The following FGF14 variants were observed in gnomAD, a reference collection of about 807,000 sequenced individuals.
FGF14 encodes the protein fibroblast growth factor 14.
Under a neutral mutation model 25.5 loss-of-function variants are expected in FGF14, and 5 were observed. The ratio of observed to expected loss-of-function variants is 0.20; its 90% CI spans 0.10 to 0.41. FGF14 has a LOEUF of 0.41. Among genes scored for constraint, FGF14 ranks in the 10% least tolerant of loss-of-function variants. The probability of loss-of-function intolerance (pLI) is 1.00; values close to 1 mark genes in which losing one functional copy is unlikely to be tolerated. For missense variants in FGF14, 222 were observed against 320.1 expected (o/e 0.69, Z 2.34); for synonymous variants, 138 against 118.3 (o/e 1.17, Z -1.08).
At chr13:102,126,353 G>A (rs2045948783) in intron 1 of FGF14, among the ~76,000 whole-genome samples, 1 of 152,156 alleles carries the variant, frequency 6.6e-6, no homozygotes, top group South Asian at 2.1e-4. Context: ...ATTTCACTGA[G>A]CATAATGTTT....
chr13:101,809,065 G>A (rs1306851674), intron 3 of FGF14, among the ~76,000 whole-genome samples: 14 of 151,918 alleles, frequency 9.2e-5, no homozygotes, highest in Non-Finnish European at 2.1e-4. Context: ...TGATAAATTG[G>A]GGAATTGATC....
At chr13:101,953,199 C>T (rs1360270882) in intron 1 of FGF14, among the ~76,000 whole-genome samples, 1 of 152,172 alleles carries the variant, frequency 6.6e-6, no homozygotes, top group East Asian at 1.9e-4. Flanking sequence ...CCTACCTTCA[C>T]CTGTTCTGTT....
chr13:102,163,746 G>C (rs546488), intron 1 of FGF14, among the ~76,000 whole-genome samples: 30,871 of 151,794 alleles, frequency 0.2, 5,616 homozygotes, highest in East Asian at 0.7. Flanking sequence ...GATTCGCAGG[G>C]ACCATGTTTA....
chr13:102,187,162 A>C (rs541255), intron 1 of FGF14, among the ~76,000 whole-genome samples: 4,879 of 152,276 alleles, frequency 0.032, 251 homozygotes, highest in African/African-American at 0.11. Context: ...GCCTCCGTCT[A>C]ATCAGATTAT....
intron 1 of FGF14, among the ~76,000 whole-genome samples, chr13:102,206,627 G>A (rs1236509564): frequency 6.6e-6 from 1 of 152,116 alleles, no homozygotes; most frequent in Non-Finnish European, 1.5e-5. Flanking sequence ...GTTACAGTGA[G>A]CCCAGATGGC....
chr13:101,738,568 G>A (rs2036329476), intron 3 of FGF14, among the ~76,000 whole-genome samples: 1 of 152,028 alleles, frequency 6.6e-6, no homozygotes, highest in South Asian at 2.1e-4. Flanking sequence ...GAAGAGGGAG[G>A]CCAGGAAAGC....
rs569437200 is a variant in FGF14 at position 101,983,189 on chromosome 13, A to C, written c.209-107893T>G. On this transcript the variant is annotated intron_variant, in intron 1 of 4. Transcript: ENST00000376131. Reference sequence around the variant, plus strand: ...TGTGCAGCTGCTTATTACCCAGATCATTTGTACCCTTGTATCTCTCCAAAT... The same window carrying C: ...TGTGCAGCTGCTTATTACCCAGATCCTTTGTACCCTTGTATCTCTCCAAAT... 2.6e-5 allele frequency among the ~76,000 whole-genome samples: 4 copies of C among 152,138 alleles called. No individual in the cohort carries two copies. The East Asian group carries it at 7.7e-4, about 29-fold the overall frequency.
At chr13:102,087,197 T>C (rs2043947415) in intron 1 of FGF14, among the ~76,000 whole-genome samples, 1 of 152,112 alleles carries the variant, frequency 6.6e-6, no homozygotes, top group Admixed American at 6.5e-5. Flanking sequence ...CTTTGTGTAA[T>C]TCGCAAAATT....
At chr13:102,250,701 G>C (rs537979156) in intron 1 of FGF14, among the ~76,000 whole-genome samples, 111 of 152,268 alleles carry the variant, frequency 7.3e-4, no homozygotes, top group African/African-American at 2.4e-3. Context: ...AGACATATTT[G>C]TTTCAGAGAA....
At chr13:101,961,801 G>C (rs2139462431) in intron 1 of FGF14, among the ~76,000 whole-genome samples, 1 of 152,262 alleles carries the variant, frequency 6.6e-6, no homozygotes, top group South Asian at 2.1e-4. Flanking sequence ...ATCATTATAA[G>C]TTTCCTGAGG....
Position 101,722,809 on chromosome 13 carries a change from C to G in FGF14, c.*22G>C, listed in dbSNP as rs1412831242. The G allele has an allele frequency of 5.6e-6, 9 of 1,612,812 alleles. No individual in the cohort carries two copies. Among genetic ancestry groups the G allele is most frequent in the African/African-American group, 1.3e-5 (1 of 74,826 alleles). ...TCAACTGTGCTCAGGACGAATAAGT[C>G]ACAACACCTGTGAGGATCTGGCTAT... is the stretch of plus-strand genomic sequence containing the variant. On this transcript the variant is annotated 3_prime_UTR_variant, in exon 5 of 5. Coordinates refer to ENST00000376143, the MANE Select transcript of FGF14 (RefSeq NM_004115.4).
At chr13:102,006,727 C>CTTTTTTTTTTTTTTT (rs774872814) in intron 1 of FGF14, among the ~76,000 whole-genome samples, 2 of 61,966 alleles carry the variant, frequency 3.2e-5, no homozygotes, top group African/African-American at 1.4e-4. Flanking sequence ...AATCTTACTT[C>CTTTTTTTTTTTTTTT]TTTTTTTTTT....
chr13:102,357,004 A>T (rs1035515320), intron 1 of FGF14, among the ~76,000 whole-genome samples: 1 of 151,336 alleles, frequency 6.6e-6, no homozygotes, highest in African/African-American at 2.4e-5. Flanking sequence ...AGAAAGTTCC[A>T]TTTCACACTG....
chr13:101,825,578 CTA>C (rs1442923037), intron 3 of FGF14, among the ~76,000 whole-genome samples: 1 of 152,102 alleles, frequency 6.6e-6, no homozygotes, highest in Admixed American at 6.5e-5. Context: ...ATACTCATCA[CTA>C]TAGTTAGCGT....
intron 1 of FGF14, among the ~76,000 whole-genome samples, chr13:101,883,031 T>G (rs916123766): frequency 6.6e-6 from 1 of 151,462 alleles, no homozygotes; most frequent in East Asian, 2.0e-4. Flanking sequence ...TGAATCCAAG[T>G]AGACATCTAC....
chr13:101,797,772 T>TGTGTGTGTGTGTGTGTGCGCGC (rs1555384576), intron 3 of FGF14, among the ~76,000 whole-genome samples: 2 of 145,556 alleles, frequency 1.4e-5, no homozygotes, highest in Admixed American at 6.9e-5. Context: ...TGTGTGTGTG[T>TGTGTGTGTGTGTGTGTGCGCGC]GTGTGTGTGT....
At chr13:101,985,531 T>C (rs186196123) in intron 1 of FGF14, among the ~76,000 whole-genome samples, 40 of 152,228 alleles carry the variant, frequency 2.6e-4, no homozygotes, top group African/African-American at 9.1e-4. Flanking sequence ...GCATTAATCA[T>C]AGATGACATA....
chr13:101,799,682 T>A (rs9518559), intron 3 of FGF14, among the ~76,000 whole-genome samples: 3 of 152,026 alleles, frequency 2.0e-5, no homozygotes, highest in Admixed American at 2.0e-4. Context: ...CTGCTCTACC[T>A]GGCAGACCCT....
chr13:101,782,697 T>C (rs2039579061), intron 3 of FGF14, among the ~76,000 whole-genome samples: 1 of 152,224 alleles, frequency 6.6e-6, no homozygotes, highest in Non-Finnish European at 1.5e-5. Context: ...GCTCCATCCA[T>C]GTTCCTGCAA....
Sources: gnomAD v4.1 joint callset for allele counts (sites outside exome capture counted in the v4.1 genomes callset) on GRCh38, gnomAD v4.1.1 for gene constraint, MANE v1.5 for transcripts, NCBI Gene and HGNC (gene_info 2026-07-23, HGNC 2026-07-21) for gene names.